The following TRIM2 variants were observed in gnomAD, a reference collection of about 807,000 sequenced individuals.
The protein encoded by TRIM2 is tripartite motif-containing protein 2.
In TRIM2, 20 loss-of-function variants were observed where a neutral mutation model predicts 75.2. That is an observed-to-expected ratio of 0.27 (90% CI 0.19 to 0.39). The LOEUF is 0.39. Among genes scored for constraint, TRIM2 ranks in the 10% least tolerant of loss-of-function variants. The probability of loss-of-function intolerance (pLI) is 1.00; values close to 1 mark genes in which losing one functional copy is unlikely to be tolerated. For missense variants in TRIM2, 660 were observed against 990.8 expected (o/e 0.67, Z 4.48); for synonymous variants, 373 against 388.3 (o/e 0.96, Z 0.46).
Position 153,324,067 on chromosome 4 carries a change from C to G in TRIM2, c.1952-11C>G, listed in dbSNP as rs755300096. ...GTAGTCATCACATATTTTTTTCCAT[C>G]TTTATTGCAGGTCCCCATTTTGCAG... On this transcript the variant is annotated splice_polypyrimidine_tract_variant and intron_variant, in intron 9 of 11. Transcript: ENST00000338700. 1 of 1,609,142 alleles carries G rather than the reference C, an allele frequency of 6.2e-7. No homozygotes were observed. Among genetic ancestry groups the G allele is most frequent in the East Asian group, 2.2e-5 (1 of 44,716 alleles).
chr4:153,254,763 C>T (rs1277940341), intron 1 of TRIM2, among the ~76,000 whole-genome samples: 1 of 152,230 alleles, frequency 6.6e-6, no homozygotes, highest in Admixed American at 6.5e-5. Context: ...AGATTCACAG[C>T]TGAGCCCCCA....
chr4:153,255,985 G>GTGTT lies in TRIM2; in HGVS notation c.31-14334_31-14331dup, dbSNP rs374753163. ...GAGATAGCTAAAGGGTATGGGTTGG[G>GTGTT]TGTTTGTTTGTTTGTTTGTCTGAGA... On this transcript the variant is annotated intron_variant, in intron 1 of 11. Transcript: ENST00000338700. 1.6e-3 allele frequency among the ~76,000 whole-genome samples: 237 copies of GTGTT among 152,180 alleles called. 2 individuals carry two copies. Among genetic ancestry groups the GTGTT allele is most frequent in the African/African-American group, 5.3e-3 (220 of 41,526 alleles).
intron 1 of TRIM2, among the ~76,000 whole-genome samples, chr4:153,266,260 C>T (rs1755031051): frequency 6.6e-6 from 1 of 152,072 alleles, no homozygotes; most frequent in Non-Finnish European, 1.5e-5. Context: ...GCCTTGACCT[C>T]CCGAGCTCAA....
At chr4:153,200,540 G>A (rs896407385), upstream of TRIM2, among the ~76,000 whole-genome samples, 2 of 151,780 alleles carry the variant, frequency 1.3e-5, no homozygotes, top group African/African-American at 4.8e-5. Flanking sequence ...AATTGTTTTG[G>A]GTATCTATCC....
intron 1 of TRIM2, among the ~76,000 whole-genome samples, chr4:153,204,916 C>G (rs1359821534): frequency 6.6e-6 from 1 of 152,132 alleles, no homozygotes; most frequent in East Asian, 1.9e-4. Context: ...TGGGCCTCTC[C>G]GGGGTTTCTG....
intron 1 of TRIM2, among the ~76,000 whole-genome samples, chr4:153,155,723 G>A (rs1274956276): frequency 2.0e-5 from 3 of 152,106 alleles, no homozygotes; most frequent in Non-Finnish European, 4.4e-5. Flanking sequence ...AGAATCACCT[G>A]GGGACTTAAA....
rs192734768 is a variant in TRIM2, at chr4:153,263,068, C to T, written c.31-7267C>T. On this transcript the variant is annotated intron_variant, in intron 1 of 11. Coordinates refer to ENST00000338700, the MANE Select transcript of TRIM2 (RefSeq NM_015271.5). ...ATGGGAGGCTGGGCATGGTGGTTCA[C>T]GCCTGTAATCCCAGCAGTTTGGGAG... Among the ~76,000 whole-genome samples the T allele has an allele frequency of 2.3e-3, 356 of 152,314 alleles. 2 individuals are homozygous for T. The highest frequency in any genetic ancestry group is 8.2e-3 in the African/African-American group (342 of 41,572).
chr4:153,174,270 G>GC (rs1282834301), intron 1 of TRIM2, among the ~76,000 whole-genome samples: 6 of 151,448 alleles, frequency 4.0e-5, no homozygotes, highest in South Asian at 4.2e-4. Flanking sequence ...AAGAACGGTG[G>GC]CCCCCCCTGA....
chr4:153,299,565 T>A (rs1250873336), intron 6 of TRIM2, among the ~76,000 whole-genome samples: 2 of 152,224 alleles, frequency 1.3e-5, no homozygotes, highest in Non-Finnish European at 2.9e-5. Context: ...AGATTTCTTT[T>A]CAAAGAATCA....
intron 11 of TRIM2, among the ~76,000 whole-genome samples, chr4:153,333,374 T>A (rs1771916726): frequency 6.6e-6 from 1 of 152,146 alleles, no homozygotes; most frequent in Non-Finnish European, 1.5e-5. Flanking sequence ...GATGGGATAA[T>A]TCTGTACGTT....
intron 1 of TRIM2, among the ~76,000 whole-genome samples, chr4:153,176,957 G>GA (rs752909148): frequency 4.4e-4 from 67 of 152,314 alleles, no homozygotes; most frequent in Non-Finnish European, 7.8e-4. Flanking sequence ...AGCTGTGACA[G>GA]AAAACCCATG....
rs553850108 is a variant in TRIM2 at position 153,300,389 on chromosome 4, C to A, written c.1510+4353C>A. 2.6e-4 allele frequency among the ~76,000 whole-genome samples: 39 copies of A among 152,228 alleles called. No homozygotes were observed. The South Asian group carries it at 7.9e-3, about 31-fold the overall frequency. On this transcript the variant is annotated intron_variant, in intron 6 of 11. Transcript: ENST00000338700. The stretch of plus-strand genomic sequence containing the variant: ...ACTGCAACCTCAACCTCCAGATGCT[C>A]CCACTTCAGCCTCTCAAGTAGCTGG...
At chr4:153,270,102 G>A (rs970057761) in intron 1 of TRIM2, among the ~76,000 whole-genome samples, 1 of 151,692 alleles carries the variant, frequency 6.6e-6, no homozygotes, top group Non-Finnish European at 1.5e-5. Context: ...CTAATTTTTT[G>A]TATTTTTAGT....
intron 1 of TRIM2, among the ~76,000 whole-genome samples, chr4:153,266,331 G>T (rs1755060427): frequency 6.9e-6 from 1 of 145,096 alleles, no homozygotes; most frequent in Admixed American, 7.0e-5. Flanking sequence ...CACCATGCCT[G>T]GCTAATTTTT....
upstream of TRIM2, chr4:153,152,647 CA>C (rs1448959960): frequency 6.6e-6 from 1 of 151,896 alleles, no homozygotes; most frequent in Non-Finnish European, 1.5e-5. Flanking sequence ...TGGGGACAGA[CA>C]CGAGTGTTGG....
chr4:153,303,481 A>T (rs945744273), intron 6 of TRIM2, among the ~76,000 whole-genome samples: 2 of 151,954 alleles, frequency 1.3e-5, no homozygotes, highest in Non-Finnish European at 2.9e-5. Flanking sequence ...TCAGAAAAAA[A>T]AAAAAAAAAA....
In TRIM2 at chr4:153,337,613, GA is replaced by G; in HGVS notation, c.*2650del. The stretch of plus-strand genomic sequence containing the variant: ...TTTCTTGGTAAGCATATTTTTGGGG[GA>G]AAGTGCTGCTGATATGATACAAGTA... On this transcript the variant is annotated 3_prime_UTR_variant, in exon 12 of 12. Transcript: ENST00000338700. 3.0e-6 allele frequency: 3 copies of G among 985,750 alleles called. No homozygotes were observed. The highest frequency in any genetic ancestry group is 2.4e-6 in the Non-Finnish European group (2 of 829,926). 61.1% of individuals were successfully genotyped at this position (985,750 alleles called of 1,614,324 possible).
chr4:153,173,124 C>T (rs988500392), intron 1 of TRIM2, among the ~76,000 whole-genome samples: 15 of 152,168 alleles, frequency 9.9e-5, no homozygotes, highest in Non-Finnish European at 1.6e-4. Context: ...TGTCTCTAAT[C>T]GCCCTCACCT....
chr4:153,171,688 AAT>A (rs1730872136), intron 1 of TRIM2, among the ~76,000 whole-genome samples: 1 of 152,224 alleles, frequency 6.6e-6, no homozygotes, highest in South Asian at 2.1e-4. Context: ...TGACATTTAA[AAT>A]ATGTTTCTTT....
Sources: allele counts gnomAD v4.1 joint callset (sites outside exome capture counted in the v4.1 genomes callset), GRCh38; gene constraint gnomAD v4.1.1; transcripts MANE v1.5; gene names NCBI Gene and HGNC (gene_info 2026-07-23, HGNC 2026-07-21).